LPCAT1: variants seen among roughly 807,000 people sequenced by gnomAD.
LPCAT1 encodes the protein lysophosphatidylcholine acyltransferase 1.
LPCAT1 carries 23 observed loss-of-function variants against 60.9 expected under a neutral mutation model. The observed-to-expected ratio is 0.38, with a 90% CI of 0.27 to 0.53. The LOEUF (loss-of-function observed/expected upper bound fraction) is 0.53. Among genes scored for constraint, LPCAT1 ranks in the 20% least tolerant of loss-of-function variants. LPCAT1 has a pLI of 0.82. For missense variants in LPCAT1, 622 were observed against 723.6 expected, an observed-to-expected ratio of 0.86 and a Z score of 1.61; for synonymous variants, 340 against 301.1, an observed-to-expected ratio of 1.13 and a Z score of -1.34.
At chr5:1,509,321 G>GA (rs1449616802) in intron 1 of LPCAT1, among the ~76,000 whole-genome samples, 1 of 152,230 alleles carries the variant, frequency 6.6e-6, no homozygotes, top group African/African-American at 2.4e-5. Context: ...TAATTATGTG[G>GA]AAAAAATTAT....
intron 1 of LPCAT1, among the ~76,000 whole-genome samples, chr5:1,514,064 C>T (rs1736432950): frequency 1.3e-5 from 2 of 152,244 alleles, no homozygotes; most frequent in South Asian, 2.1e-4. Context: ...TCCCAGGAGC[C>T]GTGGAGAAGC....
At chr5:1,488,863 T>C (rs1560972009) in intron 4 of LPCAT1, among the ~76,000 whole-genome samples, 1 of 152,194 alleles carries the variant, frequency 6.6e-6, no homozygotes, top group African/African-American at 2.4e-5. Flanking sequence ...CAAATGGCAG[T>C]GCCTGGCTGA....
chr5:1,494,379 C>G (rs1237156828), intron 3 of LPCAT1, among the ~76,000 whole-genome samples: 1 of 151,776 alleles, frequency 6.6e-6, no homozygotes, highest in African/African-American at 2.4e-5. Context: ...CCAATGTGCC[C>G]GGCGGTGGGG....
chr5:1,511,851 A>G (rs1345504033), intron 1 of LPCAT1, among the ~76,000 whole-genome samples: 1 of 152,214 alleles, frequency 6.6e-6, no homozygotes, highest in Non-Finnish European at 1.5e-5. Context: ...CTCTGCTCCC[A>G]GATGGTGGCA....
rs555138455 is a variant in LPCAT1, at chr5:1,511,984, G to A, written c.136-10381C>T. Among the ~76,000 whole-genome samples the A allele has an allele frequency of 1.2e-3, 188 of 152,282 alleles. 1 individual carries two copies. The highest frequency in any genetic ancestry group is 3.7e-3 in the African/African-American group (152 of 41,556). ...TGGCTTGGGAGGAGCATCACTTCCCGGTCTCAGCGGGTGTCTGGAGGGTGG... is the reference window on the plus strand; with the variant it reads ...TGGCTTGGGAGGAGCATCACTTCCCAGTCTCAGCGGGTGTCTGGAGGGTGG... On this transcript the variant is annotated intron_variant, in intron 1 of 13. Transcript: ENST00000283415.
At chr5:1,467,943 T>C (rs955511813) in intron 12 of LPCAT1, among the ~76,000 whole-genome samples, 10 of 152,036 alleles carry the variant, frequency 6.6e-5, no homozygotes, top group Admixed American at 6.5e-5. Context: ...CCGAGTCCCC[T>C]TCTCCTGCTG....
chr5:1,480,852 AAAGT>A lies in LPCAT1; in HGVS notation c.761+86_761+89del. The A allele has an allele frequency of 6.7e-7, 1 of 1,501,906 alleles. No homozygotes were observed. The highest frequency in any genetic ancestry group is 1.1e-5 in the South Asian group (1 of 88,794). 93.0% of individuals were successfully genotyped at this position (1,501,906 alleles called of 1,614,324 possible). A position where few individuals can be genotyped will look rare whatever the true frequency, so the allele number is the denominator to read the frequency against. ...TCCCACACCTGCTTTCACAACTGCA[AAAGT>A]AACTAGCGTGCACAGCAGACCCCAA... On this transcript the variant is annotated intron_variant, in intron 7 of 13. Coordinates refer to ENST00000283415, the MANE Select transcript of LPCAT1 (RefSeq NM_024830.5). The surrounding 1 kb of genome is among the most constrained non-coding windows in gnomAD (Gnocchi z 6.4).
At chr5:1,465,849 C>CA (rs1285273552) in intron 13 of LPCAT1, among the ~76,000 whole-genome samples, 1 of 150,596 alleles carries the variant, frequency 6.6e-6, no homozygotes, top group Non-Finnish European at 1.5e-5. Context: ...CACGGTAACA[C>CA]ACGTGCACTT....
intron 12 of LPCAT1, among the ~76,000 whole-genome samples, chr5:1,467,850 C>T (rs1268829261): frequency 6.6e-6 from 1 of 152,154 alleles, no homozygotes; most frequent in African/African-American, 2.4e-5. Context: ...AGTCCTCTGC[C>T]TGGGGCTGCA....
intron 12 of LPCAT1, among the ~76,000 whole-genome samples, chr5:1,468,892 T>C (rs997296493): frequency 6.6e-5 from 10 of 152,212 alleles, no homozygotes; most frequent in Admixed American, 6.5e-4. Flanking sequence ...CACACGAGAC[T>C]GCTCCGTGGA....
chr5:1,521,437 A>G lies in LPCAT1; in HGVS notation c.135+2273T>C. On this transcript the variant is annotated intron_variant, in intron 1 of 13. Transcript: ENST00000283415. The surrounding 1 kb of genome is among the most constrained non-coding windows in gnomAD (Gnocchi z 4.3). ...GACCCATTTCTTTCTTTGGGGAAGA[A>G]GGCTTTCTTGGCTTGAAAGACAGGC... 1 of 985,418 alleles carries G rather than the reference A, an allele frequency of 1.0e-6. No homozygotes were observed. Among genetic ancestry groups the G allele is most frequent in the Non-Finnish European group, 1.2e-6 (1 of 829,894 alleles). 61.0% of individuals were successfully genotyped at this position (985,418 alleles called of 1,614,324 possible). A position where few individuals can be genotyped will look rare whatever the true frequency, so the allele number is the denominator to read the frequency against.
rs1359859567 is a variant in LPCAT1, at chr5:1,523,103, A to C, written c.135+607T>G. 6.6e-6 allele frequency among the ~76,000 whole-genome samples: 1 copy of C among 152,236 alleles called. No homozygotes were observed. Among genetic ancestry groups the C allele is most frequent in the Non-Finnish European group, 1.5e-5 (1 of 68,038 alleles). On this transcript the variant is annotated intron_variant, in intron 1 of 13. Coordinates refer to ENST00000283415, the MANE Select transcript of LPCAT1 (RefSeq NM_024830.5). This position sits in a 1 kb window ranked among gnomAD's most constrained non-coding sequence, Gnocchi z 7.1. ...CCCAGAAGGCAACGTGCGGCCGCAG[A>C]GCAGGGAGACCCGTGCGCCTACAGG...
chr5:1,467,498 G>C (rs992779164), intron 12 of LPCAT1, among the ~76,000 whole-genome samples: 1 of 152,048 alleles, frequency 6.6e-6, no homozygotes, highest in Non-Finnish European at 1.5e-5. Flanking sequence ...GTGTGGAAGC[G>C]GCGGCTCCGG....
In LPCAT1 at chr5:1,480,943, C is replaced by A. The variant is rs1735114164; in HGVS notation, c.760G>T (p.Ala254Ser). ...TITWTWQGPG[A>S]LEILWLTLCQ... The stretch of plus-strand genomic sequence containing the variant: ...AGGACGACACGGCGTTCAACTTACG[C>A]TCCAGGTCCTTGCCACGTCCATGTG... The change falls in exon 7 of 14, where the codon GCG becomes TCG. Residue 254 changes from alanine to serine, a missense_variant and splice_region_variant. Ala to Ser is a moderately conservative substitution (Grantham distance 99, BLOSUM62 1). This residue lies in a region of LPCAT1 where 209 missense variants were observed against 325.5 expected (regional missense o/e 0.64). Coordinates refer to ENST00000283415, the MANE Select transcript of LPCAT1 (RefSeq NM_024830.5). The surrounding 1 kb of genome is among the most constrained non-coding windows in gnomAD (Gnocchi z 6.4). 6.2e-7 allele frequency: 1 copy of A among 1,613,754 alleles called. No individual in the cohort carries two copies.
intron 5 of LPCAT1, among the ~76,000 whole-genome samples, chr5:1,484,285 G>A (rs900959342): frequency 7.9e-5 from 12 of 152,394 alleles, no homozygotes; most frequent in Admixed American, 1.3e-4. Context: ...CAGCCGCTCC[G>A]CCTTCTCACT....
chr5:1,511,400 C>G (rs910472725), intron 1 of LPCAT1, among the ~76,000 whole-genome samples: 2 of 152,116 alleles, frequency 1.3e-5, no homozygotes, highest in Non-Finnish European at 2.9e-5. Flanking sequence ...GCTCACCTCG[C>G]TCACCCTACA....
At position 1,481,211 on chromosome 5, in the gene LPCAT1, C is replaced by T. The variant is rs950379057; in HGVS notation, c.727-235G>A. Among the ~76,000 whole-genome samples, 31 of 152,124 alleles carry T rather than the reference C, an allele frequency of 2.0e-4. No individual in the cohort carries two copies. Among genetic ancestry groups the T allele is most frequent in the African/African-American group, 2.4e-5 (1 of 41,420 alleles). Reference sequence around the variant, plus strand: ...CTCTAAGGACCCAGAGAACCACCACCTTACAGGTCCCCAGAGTTCCCCCAA... The same window carrying T: ...CTCTAAGGACCCAGAGAACCACCACTTTACAGGTCCCCAGAGTTCCCCCAA... On this transcript the variant is annotated intron_variant, in intron 6 of 13. Transcript: ENST00000283415. This position sits in a 1 kb window ranked among gnomAD's most constrained non-coding sequence, Gnocchi z 7.8.
chr5:1,511,261 G>C (rs565889710), intron 1 of LPCAT1, among the ~76,000 whole-genome samples: 1 of 152,172 alleles, frequency 6.6e-6, no homozygotes, highest in East Asian at 1.9e-4. Context: ...TGACCTCCCC[G>C]GCGCGCGCTG....
intron 1 of LPCAT1, among the ~76,000 whole-genome samples, chr5:1,503,870 A>G (rs1736103395): frequency 6.6e-6 from 1 of 151,010 alleles, no homozygotes; most frequent in South Asian, 2.1e-4. Context: ...TGCCCGCCAC[A>G]CTCTCCTTGG....
Sources: gnomAD v4.1 joint callset for allele counts (sites outside exome capture counted in the v4.1 genomes callset) on GRCh38, gnomAD v4.1.1 for gene constraint, gnomAD v4.1.1 regional missense constraint, Gnocchi (gnomAD v3.1) non-coding constraint, MANE v1.5 for transcripts, NCBI Gene and HGNC (gene_info 2026-07-23, HGNC 2026-07-21) for gene names.